Variants in FOCAD observed in about 807,000 individuals in gnomAD.
The protein encoded by FOCAD is focadhesin.
FOCAD carries 198 observed loss-of-function variants against 225.6 expected under a neutral mutation model. The ratio of observed to expected loss-of-function variants is 0.88; its 90% CI spans 0.78 to 0.99. The LOEUF (loss-of-function observed/expected upper bound fraction) is 0.99. Ranked by LOEUF, FOCAD falls within the 50% of genes least tolerant of loss-of-function variation. The probability of loss-of-function intolerance (pLI) is 0.00; values close to 1 mark genes in which losing one functional copy is unlikely to be tolerated. For missense variants in FOCAD, 2,713 were observed against 2,123.6 expected (o/e 1.28, Z -5.46); for synonymous variants, 897 against 755.0 (o/e 1.19, Z -3.08).
upstream of FOCAD, among the ~76,000 whole-genome samples, chr9:20,657,025 C>T (rs1821506060): frequency 6.6e-6 from 1 of 152,086 alleles, no homozygotes; most frequent in Admixed American, 6.5e-5. Flanking sequence ...TTTGTTTCTC[C>T]TTCGCTTATG....
At chr9:20,832,768 T>C (rs1035725204) in intron 15 of FOCAD, among the ~76,000 whole-genome samples, 1 of 152,054 alleles carries the variant, frequency 6.6e-6, no homozygotes, top group Non-Finnish European at 1.5e-5. Context: ...TCATCCATGG[T>C]GTGGCAAATG....
In FOCAD at chr9:20,878,463, A is replaced by G. The variant is rs562860377; in HGVS notation, c.2318-3408A>G. 4.6e-5 allele frequency among the ~76,000 whole-genome samples: 7 copies of G among 152,310 alleles called. No individual in the cohort carries two copies. In the East Asian group the frequency reaches 5.8e-4, roughly 13 times the overall value. On this transcript the variant is annotated intron_variant, in intron 19 of 43. Coordinates refer to ENST00000338382, the MANE Select transcript of FOCAD (RefSeq NM_001375567.1). ...GCAATTTTCTGCTTTTGCTGCATCA[A>G]TAATAATTAACTTTCGAACTTCTTT... is the stretch of plus-strand genomic sequence containing the variant.
chr9:20,914,112 A>G lies in FOCAD; in HGVS notation c.2807+1158A>G, dbSNP rs1323007863. ...AAACTCTGTCTTTCCAAAAAAAAAAAAAAGATACAGTTAAACCTGCAGTAA... is the reference window on the plus strand; with the variant it reads ...AAACTCTGTCTTTCCAAAAAAAAAAGAAAGATACAGTTAAACCTGCAGTAA... On this transcript the variant is annotated intron_variant, in intron 23 of 43. Transcript: ENST00000338382. 1.3e-5 allele frequency among the ~76,000 whole-genome samples: 2 copies of G among 152,226 alleles called. 1 individual carries two copies. Among genetic ancestry groups the G allele is most frequent in the African/African-American group, 4.8e-5 (2 of 41,552 alleles).
At chr9:20,953,872 A>G (rs921361018) in intron 35 of FOCAD, among the ~76,000 whole-genome samples, 2 of 152,190 alleles carry the variant, frequency 1.3e-5, no homozygotes, top group Non-Finnish European at 2.9e-5. Flanking sequence ...AGACCATCCC[A>G]ATTTTAGAAA....
At chr9:20,946,639 T>C in intron 29 of FOCAD, 62 bp from the exon 30 acceptor site, 3 of 1,554,524 alleles carry the variant, frequency 1.9e-6, no homozygotes, top group Non-Finnish European at 2.6e-6. Context: ...TCTTGTCAAC[T>C]AAACCGAGTT....
intron 11 of FOCAD, among the ~76,000 whole-genome samples, chr9:20,793,643 G>GT (rs1370987067): frequency 3.9e-5 from 6 of 152,296 alleles, no homozygotes; most frequent in African/African-American, 1.4e-4. Context: ...ATGGAGTGGA[G>GT]TTTGAGGAGA....
intron 10 of FOCAD, among the ~76,000 whole-genome samples, chr9:20,782,367 T>C (rs1328443357): frequency 6.6e-6 from 1 of 152,202 alleles, no homozygotes; most frequent in Non-Finnish European, 1.5e-5. Context: ...CTTCTTTATT[T>C]AATATGGCAC....
At chr9:20,980,103 A>T (rs2132617315) in intron 37 of FOCAD, among the ~76,000 whole-genome samples, 1 of 151,816 alleles carries the variant, frequency 6.6e-6, no homozygotes, top group African/African-American at 2.4e-5. Flanking sequence ...TTTCTAAAAT[A>T]ACCTTTATTT....
rs1242880055 is a variant in FOCAD, at chr9:20,990,252, G to A, written c.5134G>A (p.Val1712Ile). ...TCAGGAGAATGGCCCGGCTGGGCCA[G>A]TACCAAGCTTCCTTGGCAGGAGTCC... ...WHQENGPAGP[V>I]PSFLGRSPMH... The change falls in exon 42 of 44, where the codon GTA (valine) becomes ATA (isoleucine). Residue 1712 changes from valine (V) to isoleucine (I), a missense_variant. Physicochemically the swap from Val to Ile is conservative, Grantham distance 29. Coordinates refer to ENST00000338382, the MANE Select transcript of FOCAD (RefSeq NM_001375567.1). 1.9e-6 allele frequency: 3 copies of A among 1,614,208 alleles called. No individual in the cohort carries two copies. The highest frequency in any genetic ancestry group is 2.5e-6 in the Non-Finnish European group (3 of 1,180,032).
chr9:20,684,410 G>T (rs1822531868), intron 1 of FOCAD, 117 bp downstream of exon 1: 1 of 152,638 alleles, frequency 6.6e-6, no homozygotes, highest in African/African-American at 2.4e-5. Context: ...CTGCGGGGCT[G>T]GGGCTGAGCT....
At chr9:20,661,864 G>A (rs1421313992) in intron 2 of FOCAD, among the ~76,000 whole-genome samples, 1 of 152,096 alleles carries the variant, frequency 6.6e-6, no homozygotes, top group Non-Finnish European at 1.5e-5. Context: ...ACTGTTATTA[G>A]TAAAAGCTTG....
At chr9:20,778,064 TGGGCGACA>T (rs1818959257) in intron 8 of FOCAD, among the ~76,000 whole-genome samples, 1 of 111,156 alleles carries the variant, frequency 9.0e-6, no homozygotes, top group Non-Finnish European at 1.7e-5. Flanking sequence ...CACTCCCGCC[TGGGCGACA>T]GAACGAGACT....
chr9:20,802,402 T>C (rs1348457134), intron 11 of FOCAD, among the ~76,000 whole-genome samples: 1 of 152,122 alleles, frequency 6.6e-6, no homozygotes, highest in African/African-American at 2.4e-5. Flanking sequence ...TGAAGTGTCC[T>C]ATAGTTATCT....
chr9:20,965,963 G>C (rs1350752956), intron 35 of FOCAD, among the ~76,000 whole-genome samples: 2 of 151,932 alleles, frequency 1.3e-5, no homozygotes, highest in African/African-American at 4.8e-5. Context: ...CTACCTTTTG[G>C]CTATTGCAAG....
intron 11 of FOCAD, among the ~76,000 whole-genome samples, chr9:20,814,859 A>G (rs571543804): frequency 1.5e-3 from 233 of 152,140 alleles, no homozygotes; most frequent in Admixed American, 3.6e-3. Flanking sequence ...ATCCATTTAC[A>G]TGGTTTTTTT....
chr9:20,939,150 C>CAAAAAAAAAAAAAAAAAAAAAAAAAAAA (rs565280892), intron 28 of FOCAD, among the ~76,000 whole-genome samples: 1 of 72,498 alleles, frequency 1.4e-5, no homozygotes, highest in Non-Finnish European at 2.7e-5. Context: ...ACTCTCTTCT[C>CAAAAAAAAAAAAAAAAAAAAAAAAAAAA]AAAAAAAAAA....
At chr9:20,701,312 A>G (rs1234852693) in intron 1 of FOCAD, among the ~76,000 whole-genome samples, 2 of 152,152 alleles carry the variant, frequency 1.3e-5, no homozygotes, top group African/African-American at 2.4e-5. Context: ...CCCTGTTTTT[A>G]CAAGTGAACT....
At chr9:20,988,205 G>T in intron 40 of FOCAD, 127 bp from the exon 41 acceptor site, 1 of 517,090 alleles carries the variant, frequency 1.9e-6, no homozygotes. Flanking sequence ...GTATTGCAAG[G>T]GAACATGAAA....
At chr9:20,945,629 T>C (rs1202485761) in intron 29 of FOCAD, among the ~76,000 whole-genome samples, 1 of 152,198 alleles carries the variant, frequency 6.6e-6, no homozygotes, top group African/African-American at 2.4e-5. Flanking sequence ...GTGTAGAGTG[T>C]GATTTTAAAG....
Sources: gnomAD v4.1 joint callset for allele counts (sites outside exome capture counted in the v4.1 genomes callset) on GRCh38, gnomAD v4.1.1 for gene constraint, MANE v1.5 for transcripts, NCBI Gene and HGNC (gene_info 2026-07-23, HGNC 2026-07-21) for gene names.